Variants in CEP63 observed in about 807,000 individuals in gnomAD.
CEP63 encodes the protein centrosomal protein of 63 kDa.
Under a neutral mutation model 89.1 loss-of-function variants are expected in CEP63, and 84 were observed. The ratio of observed to expected loss-of-function variants is 0.94; its 90% CI spans 0.79 to 1.13. The LOEUF is 1.13. Ranked by LOEUF, CEP63 falls within the 50% of genes most tolerant of loss-of-function variation. CEP63 has a pLI of 0.00. For missense variants in CEP63, 838 were observed against 813.3 expected, an observed-to-expected ratio of 1.03 and a Z score of -0.37; for synonymous variants, 267 against 272.5, an observed-to-expected ratio of 0.98 and a Z score of 0.20.
the CEP63 span, among the ~76,000 whole-genome samples, chr3:134,680,136 G>A: frequency 1.3e-5 from 2 of 152,184 alleles, no homozygotes; most frequent in Non-Finnish European, 2.9e-5. Flanking sequence ...CAAGGCGAGA[G>A]GCTTCTGGAG....
Position 134,507,203 on chromosome 3 carries a change from A to G in CEP63, c.139A>G (p.Thr47Ala). The G allele has an allele frequency of 1.9e-6, 3 of 1,613,878 alleles. No homozygotes were observed. Among genetic ancestry groups the G allele is most frequent in the Non-Finnish European group, 2.5e-6 (3 of 1,179,822 alleles). The change falls in exon 3 of 15, where the codon ACA becomes GCA. Residue 47 changes from threonine (T) to alanine (A), a missense_variant. Coordinates refer to ENST00000675561, the MANE Select transcript of CEP63 (RefSeq NM_001353108.3). The part of the protein sequence containing the change: ...AHKKSEWEGR[T>A]HALETCLKIR... ...TAAAAAATCTGAATGGGAAGGACGT[A>G]CACATGCTCTAGAAACTTGCTTGAA... is the stretch of plus-strand genomic sequence containing the variant.
the CEP63 span, among the ~76,000 whole-genome samples, chr3:134,772,804 G>A: frequency 3.9e-5 from 6 of 152,182 alleles, no homozygotes; most frequent in African/African-American, 1.4e-4. Flanking sequence ...AGAGGAAGCA[G>A]AGAGCTTGGC....
chr3:134,755,241 AGCCCT>A, the CEP63 span, among the ~76,000 whole-genome samples: 1 of 151,524 alleles, frequency 6.6e-6, no homozygotes, highest in Non-Finnish European at 1.5e-5. Flanking sequence ...CTGAGCCCTG[AGCCCT>A]GAGCCCTGAG....
intron 10 of CEP63, among the ~76,000 whole-genome samples, chr3:134,584,364 T>A (rs1173558867): frequency 6.6e-6 from 1 of 152,162 alleles, no homozygotes; most frequent in Non-Finnish European, 1.5e-5. Context: ...AATACCTAAT[T>A]TATTGAGAGT....
the CEP63 span, among the ~76,000 whole-genome samples, chr3:134,661,093 G>T: frequency 2.0e-5 from 3 of 152,168 alleles, no homozygotes; most frequent in Non-Finnish European, 4.4e-5. Context: ...TGAAAATTGT[G>T]ATTTGGGAGT....
chr3:134,646,159 G>A, the CEP63 span, among the ~76,000 whole-genome samples: 3 of 152,300 alleles, frequency 2.0e-5, no homozygotes, highest in Non-Finnish European at 2.9e-5. Context: ...CTGGGGGTCT[G>A]ATTCTTATTA....
At chr3:134,615,723 G>T in the CEP63 span, among the ~76,000 whole-genome samples, 1 of 152,294 alleles carries the variant, frequency 6.6e-6, no homozygotes, top group African/African-American at 2.4e-5. Flanking sequence ...CAGATTTGGT[G>T]ATAATTTAAG....
At chr3:134,706,828 G>A in the CEP63 span, among the ~76,000 whole-genome samples, 5 of 152,150 alleles carry the variant, frequency 3.3e-5, no homozygotes, top group Non-Finnish European at 7.3e-5. Context: ...AATCCATGGT[G>A]TTTTTTGGCT....
chr3:134,591,015 C>A (rs1958586580), downstream of CEP63, among the ~76,000 whole-genome samples: 1 of 152,184 alleles, frequency 6.6e-6, no homozygotes, highest in African/African-American at 2.4e-5. Context: ...TCCAAGCAGA[C>A]CTCTTTCTTG....
chr3:134,575,976 T>C (rs899229825), downstream of CEP63, among the ~76,000 whole-genome samples: 1 of 152,230 alleles, frequency 6.6e-6, no homozygotes, highest in Non-Finnish European at 1.5e-5. Flanking sequence ...CAATATTTCT[T>C]AATACTTGCA....
intron 5 of CEP63, among the ~76,000 whole-genome samples, chr3:134,533,527 A>G (rs1308040406): frequency 1.6e-4 from 25 of 152,224 alleles, no homozygotes; most frequent in Admixed American, 1.6e-3. Flanking sequence ...GAATAACTCC[A>G]TGATTATTGT....
At chr3:134,582,598 T>C (rs1054115154) in intron 10 of CEP63, among the ~76,000 whole-genome samples, 2 of 152,228 alleles carry the variant, frequency 1.3e-5, no homozygotes, top group Non-Finnish European at 2.9e-5. Context: ...ATTGGGTTGG[T>C]TCCAAGTCTT....
At chr3:134,761,508 C>T in the CEP63 span, among the ~76,000 whole-genome samples, 5 of 151,994 alleles carry the variant, frequency 3.3e-5, no homozygotes, top group African/African-American at 7.3e-5. Context: ...ACCTGAAAGC[C>T]GAGGAAAGAA....
chr3:134,587,350 G>C (rs904598927), intron 10 of CEP63, among the ~76,000 whole-genome samples: 3 of 152,192 alleles, frequency 2.0e-5, no homozygotes, highest in Non-Finnish European at 4.4e-5. Flanking sequence ...TTTGGTCTTT[G>C]ATGTTGGTGA....
Position 134,487,236 on chromosome 3 carries a change from A to G in CEP63, c.-26+1034A>G, listed in dbSNP as rs963752161. On this transcript the variant is annotated intron_variant, in intron 1 of 14. Transcript: ENST00000675561. ...GCTGTAGCTTAATGATAAAGTGTAT[A>G]TATTTTCTTATTTGGCATGCAGTAC... Among the ~76,000 whole-genome samples the G allele has an allele frequency of 3.9e-5, 6 of 152,176 alleles. No homozygotes were observed. The East Asian group carries it at 1.2e-3, about 29-fold the overall frequency.
the CEP63 span, among the ~76,000 whole-genome samples, chr3:134,668,469 G>T: frequency 6.6e-6 from 1 of 152,132 alleles, no homozygotes; most frequent in Non-Finnish European, 1.5e-5. Flanking sequence ...TGCTCAGGAG[G>T]GGAGCTTGCC....
At chr3:134,761,751 C>CTCTCT in the CEP63 span, among the ~76,000 whole-genome samples, 8 of 152,112 alleles carry the variant, frequency 5.3e-5, no homozygotes, top group African/African-American at 1.4e-4. Context: ...CTCTCTCTCT[C>CTCTCT]CCCCCTGAAT....
intron 2 of CEP63, among the ~76,000 whole-genome samples, chr3:134,502,688 G>A (rs1230847579): frequency 1.3e-5 from 2 of 151,992 alleles, no homozygotes; most frequent in Non-Finnish European, 2.9e-5. Context: ...ATTTCTGATT[G>A]TACTTATTTG....
intron 3 of CEP63, among the ~76,000 whole-genome samples, chr3:134,526,098 A>G (rs1948589015): frequency 6.6e-6 from 1 of 152,118 alleles, no homozygotes; most frequent in Admixed American, 6.6e-5. Context: ...ATCTTTACAT[A>G]ATCCCATATA....
Sources: allele counts gnomAD v4.1 joint callset (sites outside exome capture counted in the v4.1 genomes callset), GRCh38; gene constraint gnomAD v4.1.1; transcripts MANE v1.5; gene names NCBI Gene and HGNC (gene_info 2026-07-23, HGNC 2026-07-21).